PHF8: variants seen among roughly 807,000 people sequenced by gnomAD.
The protein encoded by PHF8 is PHD finger protein 8.
Under a neutral mutation model 74.4 loss-of-function variants are expected in PHF8, and 9 were observed. The observed-to-expected ratio is 0.12, with a 90% CI of 0.07 to 0.21. The LOEUF (loss-of-function observed/expected upper bound fraction) is 0.21. Ranked by LOEUF, PHF8 falls within the 10% of genes least tolerant of loss-of-function variation. The pLI is 1.00. For missense variants in PHF8, 478 were observed against 816.6 expected, an observed-to-expected ratio of 0.59 and a Z score of 5.05; for synonymous variants, 311 against 316.6, an observed-to-expected ratio of 0.98 and a Z score of 0.19.
At chrX:53,947,348 G>A (rs1399004548) in intron 19 of PHF8, among the ~76,000 whole-genome samples, 1 of 112,477 alleles carries the variant, frequency 8.9e-6, no homozygotes, top group Non-Finnish European at 1.9e-5. Flanking sequence ...GAAAAAAGAT[G>A]TGGTGGTACT....
chrX:54,043,015 AG>A (rs1203027549), intron 1 of PHF8, 195 bp from the exon 2 acceptor site: 4 of 489,091 alleles, frequency 8.2e-6, no homozygotes, highest in Non-Finnish European at 1.2e-5. Context: ...TCAACCTTCC[AG>A]GCTTCCCACC....
intron 3 of PHF8, 117 bp downstream of exon 3, chrX:54,022,641 A>G (rs928738263): frequency 1.1e-5 from 6 of 533,045 alleles, no homozygotes; most frequent in Non-Finnish European, 2.0e-5. Flanking sequence ...GGCTTCTGCT[A>G]TTTCCTGAGG....
At chrX:54,045,872 A>C (rs2066629377), upstream of PHF8, among the ~76,000 whole-genome samples, 1 of 112,421 alleles carries the variant, frequency 8.9e-6, no homozygotes. Context: ...TGCAGTTAGC[A>C]AAAAGAAAAC....
chrX:53,998,916 G>C (rs2065788460), intron 11 of PHF8, among the ~76,000 whole-genome samples: 1 of 111,770 alleles, frequency 8.9e-6, no homozygotes, highest in Admixed American at 9.6e-5. Flanking sequence ...AGAAATGAGG[G>C]ACAAAGACTG....
At chrX:54,014,726 G>C (rs782548885) in intron 6 of PHF8, among the ~76,000 whole-genome samples, 163 bp from the exon 7 acceptor site, 1 of 111,376 alleles carries the variant, frequency 9.0e-6, no homozygotes, top group Admixed American at 9.6e-5. Context: ...TGTTCTGTAA[G>C]TCTGGTCAGT....
At chrX:53,952,067 C>A (rs1337969780) in intron 19 of PHF8, among the ~76,000 whole-genome samples, 1 of 109,397 alleles carries the variant, frequency 9.1e-6, no homozygotes, top group African/African-American at 3.3e-5. Context: ...GGGCAGATTA[C>A]GAGGTCAAGA....
At position 53,938,626 on chromosome X, in the gene PHF8, C is replaced by T; in HGVS notation, c.*532G>A. ...CTCTTCATTTCCATGAAGCATTTGG[C>T]AAGAGGGGGCAGAGACCACAGCCTT... On this transcript the variant is annotated 3_prime_UTR_variant, in exon 22 of 22. Transcript: ENST00000338154. The T allele has an allele frequency of 2.6e-6, 2 of 757,275 alleles. No individual in the cohort carries two copies. Among genetic ancestry groups the T allele is most frequent in the Non-Finnish European group, 1.6e-6 (1 of 641,485 alleles). 62.4% of individuals were successfully genotyped at this position (757,275 alleles called of 1,213,427 possible).
At chrX:53,972,321 CAA>C (rs1236817498) in intron 18 of PHF8, among the ~76,000 whole-genome samples, 1,409 of 34,060 alleles carry the variant, frequency 0.041, 12 homozygotes, top group Non-Finnish European at 0.055. Context: ...GACGCTGTCT[CAA>C]AAAAAAAAAA....
rs1467980151 is a variant in PHF8, at chrX:54,023,315, C to T, written c.99-472G>A. On this transcript the variant is annotated intron_variant, in intron 2 of 21. Transcript: ENST00000338154. The stretch of plus-strand genomic sequence containing the variant: ...TTTAAACTTGAGATACTTTATTAAA[C>T]GAAAAAGACTAAAAAAAAAAATTTA... 3.7e-5 allele frequency among the ~76,000 whole-genome samples: 4 copies of T among 109,304 alleles called. No homozygotes were observed. In the East Asian group the frequency reaches 1.1e-3, roughly 31 times the overall value. 94.9% of individuals were successfully genotyped at this position (109,304 alleles called of 115,157 possible).
intron 11 of PHF8, among the ~76,000 whole-genome samples, chrX:53,998,189 C>T: frequency 8.9e-6 from 1 of 112,205 alleles, no homozygotes; most frequent in Admixed American, 9.5e-5. Flanking sequence ...TGTGGTGGCT[C>T]ATGCCTGTAA....
chrX:54,017,238 T>C (rs782110174), intron 5 of PHF8, among the ~76,000 whole-genome samples: 1 of 112,575 alleles, frequency 8.9e-6, no homozygotes, highest in Non-Finnish European at 1.9e-5. Context: ...TTGAGCCCAG[T>C]AGTTGGAGAT....
chrX:54,009,688 C>T (rs1603335502), intron 8 of PHF8, among the ~76,000 whole-genome samples: 1 of 105,162 alleles, frequency 9.5e-6, no homozygotes, highest in Middle Eastern at 4.8e-3. Flanking sequence ...ACCAAAAATA[C>T]AAAAATTAGC....
intron 10 of PHF8, among the ~76,000 whole-genome samples, chrX:54,000,768 G>A (rs1336978323): frequency 8.9e-6 from 1 of 112,914 alleles, no homozygotes; most frequent in African/African-American, 3.2e-5. Flanking sequence ...CTAACGCCCA[G>A]GAACCAAAAC....
At chrX:54,043,082 T>C in intron 1 of PHF8, 2 of 703,802 alleles carry the variant, frequency 2.8e-6, no homozygotes, top group Non-Finnish European at 3.6e-6. Context: ...TTGTCAGTGA[T>C]AACTTCTTTC....
At chrX:54,045,067 C>A, upstream of PHF8, 1 of 452,656 alleles carries the variant, frequency 2.2e-6, no homozygotes, top group Non-Finnish European at 3.8e-6. Flanking sequence ...CGCGTTCTGT[C>A]CCCAGGCCCT....
intron 19 of PHF8, among the ~76,000 whole-genome samples, chrX:53,956,637 GGAA>G (rs1432166479): frequency 9.1e-6 from 1 of 110,416 alleles, no homozygotes; most frequent in Non-Finnish European, 1.9e-5. Flanking sequence ...TGTAGAATGA[GGAA>G]GAAGTACAAG....
intron 18 of PHF8, among the ~76,000 whole-genome samples, chrX:53,972,448 G>A (rs1432988421): frequency 1.8e-5 from 2 of 109,409 alleles, no homozygotes; most frequent in African/African-American, 3.3e-5. Context: ...AAGCTTATCC[G>A]CCACCATCAG....
chrX:54,023,068 T>A (rs1285940537), intron 2 of PHF8, among the ~76,000 whole-genome samples: 3 of 111,897 alleles, frequency 2.7e-5, no homozygotes, highest in Admixed American at 1.9e-4. Context: ...CTCTGCCTCC[T>A]GGGTTCAAGT....
intron 6 of PHF8, among the ~76,000 whole-genome samples, chrX:54,015,874 G>A (rs1258866479): frequency 9.0e-6 from 1 of 110,895 alleles, no homozygotes; most frequent in Non-Finnish European, 1.9e-5. Context: ...TCATTTAAAG[G>A]TAAATAGGTT....
Sources: gnomAD v4.1 joint callset for allele counts (sites outside exome capture counted in the v4.1 genomes callset) on GRCh38, gnomAD v4.1.1 for gene constraint, MANE v1.5 for transcripts, NCBI Gene and HGNC (gene_info 2026-07-23, HGNC 2026-07-21) for gene names.